COX7C: variants seen among roughly 807,000 people sequenced by gnomAD.
COX7C encodes the protein cytochrome c oxidase subunit 7C.
Under a neutral mutation model 6.4 loss-of-function variants are expected in COX7C, and 1 was observed. The observed-to-expected ratio is 0.16, with a 90% CI of 0.06 to 0.74. The LOEUF (loss-of-function observed/expected upper bound fraction) is 0.74, where lower values mean the gene tolerates loss of function less well. Ranked by LOEUF, COX7C falls within the 30% of genes least tolerant of loss-of-function variation. The pLI is 0.78. For missense variants in COX7C, 54 were observed against 73.7 expected, an observed-to-expected ratio of 0.73 and a Z score of 0.98; for synonymous variants, 24 against 28.9, an observed-to-expected ratio of 0.83 and a Z score of 0.54.
Position 86,617,953 on chromosome 5 carries a change from T to G in COX7C, c.-103T>G, listed in dbSNP as rs1750030810. ...ATTTCCCATCTTTCTTTTCAGTCCT[T>G]GCGCACCGGGGAACAAGGTCGTGAA... On this transcript the variant is annotated 5_prime_UTR_variant, in exon 1 of 3. Coordinates refer to ENST00000247655, the MANE Select transcript of COX7C (RefSeq NM_001867.3). The G allele has an allele frequency of 9.4e-7, 1 of 1,068,704 alleles. No individual in the cohort carries two copies. The highest frequency in any genetic ancestry group is 1.3e-5 in the South Asian group (1 of 74,100). The allele number at this position is 1,068,704 out of a possible 1,614,324, so 66.2% of individuals were successfully genotyped here. A position where few individuals can be genotyped will look rare whatever the true frequency, so the allele number is the denominator to read the frequency against.
rs528255344 is a variant in COX7C at position 86,618,990 on chromosome 5, A to G, written c.76-363A>G. Among the ~76,000 whole-genome samples, 11 of 151,882 alleles carry G rather than the reference A, an allele frequency of 7.2e-5. No homozygotes were observed. In the South Asian group the frequency reaches 2.1e-3, roughly 29 times the overall value. On this transcript the variant is annotated intron_variant, in intron 1 of 2. Coordinates refer to ENST00000247655, the MANE Select transcript of COX7C (RefSeq NM_001867.3). ...CGGGACTCCGTCTCAAAAAAAAAAA[A>G]AAAGAAAAAAAAAGAGCTGTATTGC... is the stretch of plus-strand genomic sequence containing the variant.
intron 1 of COX7C, among the ~76,000 whole-genome samples, chr5:86,618,731 G>A (rs550577748): frequency 1.3e-5 from 2 of 152,256 alleles, no homozygotes; most frequent in East Asian, 3.9e-4. Flanking sequence ...GCGCACGCCT[G>A]TAATCGGGAG....
Position 86,618,305 on chromosome 5 carries a change from C to T in COX7C, c.75+175C>T, listed in dbSNP as rs185893978. 211 of 620,070 alleles carry T rather than the reference C, an allele frequency of 3.4e-4. No homozygotes were observed. In the African/African-American group the frequency reaches 3.4e-3, roughly 10 times the overall value. 38.4% of individuals were successfully genotyped at this position (620,070 alleles called of 1,614,324 possible). On this transcript the variant is annotated intron_variant, in intron 1 of 2. Coordinates refer to ENST00000247655, the MANE Select transcript of COX7C (RefSeq NM_001867.3). The stretch of plus-strand genomic sequence containing the variant: ...CCAGTGAGGAAGCTGGGCATCCTAG[C>T]GCGTAGCCGCTAAAGGAATGGGCAG...
chr5:86,618,337 C>T lies in COX7C; in HGVS notation c.75+207C>T, dbSNP rs1750041526. On this transcript the variant is annotated intron_variant, in intron 1 of 2. Transcript: ENST00000247655. ...CCGCTAAAGGAATGGGCAGGTAGAT[C>T]CGGAAGCCCTGCCTCCATCAGCCAC... 7.2e-6 allele frequency: 4 copies of T among 552,770 alleles called. No homozygotes were observed. The Admixed American group carries it at 9.6e-5, about 13-fold the overall frequency. The allele number at this position is 552,770 out of a possible 1,614,324, so 34.2% of individuals were successfully genotyped here. A position where few individuals can be genotyped will look rare whatever the true frequency, so the allele number is the denominator to read the frequency against.
chr5:86,618,266 A>T, intron 1 of COX7C, 136 bp downstream of exon 1: 1 of 783,004 alleles, frequency 1.3e-6, no homozygotes, highest in South Asian at 1.6e-5. Context: ...CTAGCATTCC[A>T]CTTAGCCCAA....
intron 1 of COX7C, 95 bp downstream of exon 1, chr5:86,618,225 A>G (rs1024426467): frequency 5.2e-6 from 6 of 1,163,220 alleles, no homozygotes; most frequent in East Asian, 4.7e-5. Flanking sequence ...GGCGTGGGAG[A>G]TGATAGCCAG....
chr5:86,617,989 T>G lies in COX7C; in HGVS notation c.-67T>G, dbSNP rs1472874333. On this transcript the variant is annotated 5_prime_UTR_variant, in exon 1 of 3. Transcript: ENST00000247655. ...GAACAAGGTCGTGAAAAAAAAGGTC[T>G]TGGTGAGGTGCCGCCATTTCATCTG... 7 of 1,498,346 alleles carry G rather than the reference T, an allele frequency of 4.7e-6. No homozygotes were observed. In the East Asian group the frequency reaches 1.6e-4, roughly 34 times the overall value. The allele number at this position is 1,498,346 out of a possible 1,614,324, so 92.8% of individuals were successfully genotyped here.
chr5:86,620,693 A>G lies in COX7C; in HGVS notation c.*53A>G. On this transcript the variant is annotated 3_prime_UTR_variant, in exon 3 of 3. Transcript: ENST00000247655. The stretch of plus-strand genomic sequence containing the variant: ...ATATGAAGAGCATTTTAAGAGGTGC[A>G]GCCTCTGGAAGTGGATCAAACTAGA... 2.4e-6 allele frequency: 1 copy of G among 425,206 alleles called. No homozygotes were observed. The highest frequency in any genetic ancestry group is 4.9e-6 in the Non-Finnish European group (1 of 205,894). 26.3% of individuals were successfully genotyped at this position (425,206 alleles called of 1,614,324 possible). A position where few individuals can be genotyped will look rare whatever the true frequency, so the allele number is the denominator to read the frequency against.
rs774832945 is a variant in COX7C at position 86,618,107 on chromosome 5, C to G, written c.52C>G (p.His18Asp). ...RFTTSVVRRSHYEEGPGKNLP... is the reference protein window; with the variant it reads ...RFTTSVVRRSDYEEGPGKNLP... ...CACAACCTCTGTGGTCCGTAGGAGC[C>G]ACTATGAGGAGGGCCCTGGGAAGGT... Residue 18 changes from histidine to aspartate, a missense_variant, in exon 1 of 3, where the codon CAC becomes GAC. Coordinates refer to ENST00000247655, the MANE Select transcript of COX7C (RefSeq NM_001867.3). 2 of 1,614,100 alleles carry G rather than the reference C, an allele frequency of 1.2e-6. No individual in the cohort carries two copies. The highest frequency in any genetic ancestry group is 1.1e-5 in the South Asian group (1 of 91,084).
chr5:86,620,024 C>T (rs1267113711), intron 2 of COX7C: 1 of 152,702 alleles, frequency 6.5e-6, no homozygotes, highest in Non-Finnish European at 1.5e-5. Flanking sequence ...AATTGGCTTA[C>T]AATACTTGTT....
In COX7C at chr5:86,618,004, C is replaced by T. The variant is rs1750032791; in HGVS notation, c.-52C>T. 1 of 1,571,808 alleles carries T rather than the reference C, an allele frequency of 6.4e-7. No individual in the cohort carries two copies. The highest frequency in any genetic ancestry group is 2.2e-5 in the East Asian group (1 of 44,660). On this transcript the variant is annotated 5_prime_UTR_variant, in exon 1 of 3. Coordinates refer to ENST00000247655, the MANE Select transcript of COX7C (RefSeq NM_001867.3). ...AAAAAAGGTCTTGGTGAGGTGCCGC[C>T]ATTTCATCTGTCCTCATTCTCTGCG... is the stretch of plus-strand genomic sequence containing the variant.
Position 86,617,972 on chromosome 5 carries a change from T to C in COX7C, c.-84T>C. On this transcript the variant is annotated 5_prime_UTR_variant, in exon 1 of 3. Transcript: ENST00000247655. ...AGTCCTTGCGCACCGGGGAACAAGG[T>C]CGTGAAAAAAAAGGTCTTGGTGAGG... 2 of 1,280,852 alleles carry C rather than the reference T, an allele frequency of 1.6e-6. No individual in the cohort carries two copies. Among genetic ancestry groups the C allele is most frequent in the South Asian group, 1.2e-5 (1 of 82,226 alleles). 79.3% of individuals were successfully genotyped at this position (1,280,852 alleles called of 1,614,324 possible).
At chr5:86,619,134 A>C (rs79309522) in intron 1 of COX7C, among the ~76,000 whole-genome samples, 1,793 of 152,308 alleles carry the variant, frequency 0.012, 15 homozygotes, top group Non-Finnish European at 0.019. Flanking sequence ...TTCATTGCCT[A>C]GTGCTTAGTA....
At chr5:86,618,326 G>T in intron 1 of COX7C, 196 bp downstream of exon 1, 1 of 578,196 alleles carries the variant, frequency 1.7e-6, no homozygotes. Context: ...TAAAGGAATG[G>T]GCAGGTAGAT....
Position 86,620,859 on chromosome 5 carries a change from A to G in COX7C, c.*219A>G, listed in dbSNP as rs1750105944. 5.6e-6 allele frequency: 1 copy of G among 177,128 alleles called. No individual in the cohort carries two copies. Among genetic ancestry groups the G allele is most frequent in the Admixed American group, 5.7e-5 (1 of 17,610 alleles). The allele number at this position is 177,128 out of a possible 1,614,324, so 11.0% of individuals were successfully genotyped here. ...TAACATTCCAGTATTACTCTCTGTG[A>G]TTTAGCTTATTTAATGGTGTTAAAC... is the stretch of plus-strand genomic sequence containing the variant. On this transcript the variant is annotated 3_prime_UTR_variant, in exon 3 of 3. Transcript: ENST00000247655.
Position 86,619,515 on chromosome 5 carries a change from A to T in COX7C, c.*27+19A>T. ...TTAACAGGTAGTTAGTGGATTTCTA[A>T]TCATGTTAAAGCAGGCCTTTTTATT... On this transcript the variant is annotated intron_variant, in intron 2 of 2. Transcript: ENST00000247655. 1.6e-6 allele frequency: 2 copies of T among 1,273,920 alleles called. No individual in the cohort carries two copies. The highest frequency in any genetic ancestry group is 2.3e-6 in the Non-Finnish European group (2 of 870,534). 78.9% of individuals were successfully genotyped at this position (1,273,920 alleles called of 1,614,324 possible).
chr5:86,617,947 A>G lies in COX7C; in HGVS notation c.-109A>G. On this transcript the variant is annotated 5_prime_UTR_variant, in exon 1 of 3. Coordinates refer to ENST00000247655, the MANE Select transcript of COX7C (RefSeq NM_001867.3). Reference sequence around the variant, plus strand: ...CGCCCCATTTCCCATCTTTCTTTTCAGTCCTTGCGCACCGGGGAACAAGGT... The same window carrying G: ...CGCCCCATTTCCCATCTTTCTTTTCGGTCCTTGCGCACCGGGGAACAAGGT... The G allele has an allele frequency of 2.1e-6, 2 of 970,924 alleles. No homozygotes were observed. The highest frequency in any genetic ancestry group is 1.4e-5 in the South Asian group (1 of 69,500). 60.1% of individuals were successfully genotyped at this position (970,924 alleles called of 1,614,324 possible). A position where few individuals can be genotyped will look rare whatever the true frequency, so the allele number is the denominator to read the frequency against.
At chr5:86,620,138 A>G (rs1750091012) in intron 2 of COX7C, 1 of 152,358 alleles carries the variant, frequency 6.6e-6, no homozygotes, top group African/African-American at 2.4e-5. Flanking sequence ...CAACTCAGCC[A>G]TGTTGGGAAA....
chr5:86,620,556 G>T (rs1469350084), intron 2 of COX7C, 112 bp from the exon 3 acceptor site: 3 of 341,916 alleles, frequency 8.8e-6, no homozygotes, highest in South Asian at 6.3e-5. Flanking sequence ...TACTGTAAAC[G>T]CTTTCTGATG....
Sources: allele counts gnomAD v4.1 joint callset (sites outside exome capture counted in the v4.1 genomes callset), GRCh38; gene constraint gnomAD v4.1.1; transcripts MANE v1.5; gene names NCBI Gene and HGNC (gene_info 2026-07-23, HGNC 2026-07-21).